The following LHX1 variants were observed in gnomAD, a reference collection of about 807,000 sequenced individuals.
LHX1 encodes LIM homeobox 1, also known as LIM/homeobox protein Lhx1.
In LHX1, 9 loss-of-function variants were observed where a neutral mutation model predicts 34.1. The ratio of observed to expected loss-of-function variants is 0.26; its 90% confidence interval spans 0.16 to 0.46. The LOEUF is 0.46. Among genes scored for constraint, LHX1 ranks in the 20% least tolerant of loss-of-function variants. The pLI, the probability that LHX1 is intolerant of heterozygous loss-of-function variation, is 1.00. For synonymous variants in LHX1, 254 were observed against 241.5 expected, an observed-to-expected ratio of 1.05 and a Z score of -0.48; for missense variants, 446 against 559.1, an observed-to-expected ratio of 0.80 and a Z score of 2.04.
chr17:36,940,970 A>G (rs1042106347), intron 3 of LHX1, 83 bp downstream of exon 3: 1 of 1,532,642 alleles, frequency 6.5e-7, no homozygotes. Flanking sequence ...AGAGCCCAGA[A>G]TCCAGAGAGA....
At chr17:36,942,650 G>A in intron 4 of LHX1, 102 bp from the exon 5 acceptor site, 1 of 1,268,820 alleles carries the variant, frequency 7.9e-7, no homozygotes, top group Non-Finnish European at 1.1e-6. Context: ...AGTTCCCCGC[G>A]CGGCCTTCCT....
At chr17:36,941,584 G>A (rs1224651427) in intron 3 of LHX1, 1 of 241,412 alleles carries the variant, frequency 4.1e-6, no homozygotes, top group Non-Finnish European at 8.3e-6. Flanking sequence ...TGCCTGGGAG[G>A]CTGGCTGTGC....
chr17:36,938,679 C>A (rs914467274), intron 1 of LHX1: 1 of 505,014 alleles, frequency 2.0e-6, no homozygotes, highest in African/African-American at 1.9e-5. Flanking sequence ...CGTTGTAGCC[C>A]GGACTGCTGT....
In LHX1 at chr17:36,942,942, C is replaced by A. The variant is rs1391273836; in HGVS notation, c.1032C>A (p.Thr344=). ...HHPSSEAQRF[T]DILAHPPGDS... ...CGTCGAGCGAGGCGCAGCGGTTTAC[C>A]GACATCCTGGCGCACCCACCCGGGG... The change falls in exon 5 of 5, where the codon ACC becomes ACA. Residue 344 remains threonine (T), a synonymous_variant. Coordinates refer to ENST00000614239, the MANE Select transcript of LHX1 (RefSeq NM_005568.5). 6.2e-7 allele frequency: 1 copy of A among 1,608,292 alleles called. No individual in the cohort carries two copies. Among genetic ancestry groups the A allele is most frequent in the Non-Finnish European group, 8.5e-7 (1 of 1,177,970 alleles).
At chr17:36,942,450 G>C in intron 4 of LHX1, 85 bp downstream of exon 4, 1 of 1,405,808 alleles carries the variant, frequency 7.1e-7, no homozygotes, top group South Asian at 1.3e-5. Context: ...GGCACGCCTC[G>C]CTCTCTGTAA....
In LHX1 at chr17:36,942,854, C is replaced by A; in HGVS notation, c.944C>A (p.Pro315Gln). The change falls in exon 5 of 5, where the codon CCG becomes CAG. Residue 315 changes from proline (P) to glutamine (Q), a missense_variant. Physicochemically the swap from Pro to Gln is moderately conservative, Grantham distance 76. This residue lies in a region of LHX1 where 235 missense variants were observed against 224.4 expected (regional missense o/e 1.05). Transcript: ENST00000614239. ...AQTPVDLPFV[P>Q]SSGPSGTPLG... ...ACACCAGTGGACCTACCCTTCGTGCCGTCATCTGGGCCGTCCGGGACGCCC... is the reference window on the plus strand; with the variant it reads ...ACACCAGTGGACCTACCCTTCGTGCAGTCATCTGGGCCGTCCGGGACGCCC... The A allele has an allele frequency of 6.3e-7, 1 of 1,589,188 alleles. No homozygotes were observed. Among genetic ancestry groups the A allele is most frequent in the Non-Finnish European group, 8.6e-7 (1 of 1,165,410 alleles).
intron 1 of LHX1, 32 bp from the exon 2 acceptor site, chr17:36,940,258 C>CCCGGGG: frequency 7.6e-6 from 4 of 528,908 alleles, no homozygotes; most frequent in Middle Eastern, 5.1e-4. Context: ...GACCCATCCC[C>CCCGGGG]GCCCCCGCCC....
chr17:36,941,159 G>A, intron 3 of LHX1: 3 of 701,280 alleles, frequency 4.3e-6, no homozygotes, highest in Non-Finnish European at 7.8e-6. Flanking sequence ...GAGAACTGTT[G>A]AACACTCTGG....
In LHX1 at chr17:36,940,067, T is replaced by C. The variant is rs937379476; in HGVS notation, c.171-223T>C. ...GTGTATCCCCTCCCTAACTCTTCCC[T>C]GGTGCCGCGCTCTCTCTCCTGCTGC... On this transcript the variant is annotated intron_variant, in intron 1 of 4. Transcript: ENST00000614239. The C allele has an allele frequency of 5.1e-5, 31 of 603,200 alleles. No homozygotes were observed. The African/African-American group carries it at 5.8e-4, about 11-fold the overall frequency. 37.4% of individuals were successfully genotyped at this position (603,200 alleles called of 1,614,324 possible). A position where few individuals can be genotyped will look rare whatever the true frequency, so the allele number is the denominator to read the frequency against.
chr17:36,942,086 C>G (rs982269038), intron 3 of LHX1, 114 bp from the exon 4 acceptor site: 1 of 748,138 alleles, frequency 1.3e-6, no homozygotes, highest in Non-Finnish European at 2.0e-6. Context: ...CACACACAAG[C>G]GCGCGCGCGC....
Position 36,940,701 on chromosome 17 carries a change from C to A in LHX1, c.489C>A (p.Asp163Glu). 2 of 1,613,786 alleles carry A rather than the reference C, an allele frequency of 1.2e-6. No homozygotes were observed. Among genetic ancestry groups the A allele is most frequent in the Non-Finnish European group, 1.7e-6 (2 of 1,180,048 alleles). ...ACTCGGAGAGCGCCAACGTGTCGGA[C>A]AAGGAAGCGGGTAGCAACGAGAATG... ...AKDSESANVS[D>E]KEAGSNENDD... is the part of the protein sequence containing the mutation. The change falls in exon 3 of 5, where the codon GAC becomes GAA. Residue 163 changes from aspartate (D) to glutamate (E), a missense_variant. By Grantham distance (45) the Asp-to-Glu change is conservative. This residue lies in a region of LHX1 where 168 missense variants were observed against 226.6 expected (regional missense o/e 0.74). Transcript: ENST00000614239.
At chr17:36,940,195 C>T in intron 1 of LHX1, 95 bp from the exon 2 acceptor site, 1 of 731,494 alleles carries the variant, frequency 1.4e-6, no homozygotes, top group South Asian at 1.6e-5. Context: ...TTTACATCTT[C>T]CCTCTTTCTC....
upstream of LHX1, chr17:36,937,461 A>C: frequency 3.1e-6 from 1 of 322,258 alleles, no homozygotes; most frequent in South Asian, 2.2e-5. Flanking sequence ...CCTAAGCAAC[A>C]ACAGCAATCA....
chr17:36,939,921 C>T (rs1597688596), intron 1 of LHX1: 3 of 409,396 alleles, frequency 7.3e-6, no homozygotes, highest in African/African-American at 2.0e-5. Flanking sequence ...GTGCCCCGTT[C>T]CCCCCGCCCA....
intron 1 of LHX1, 169 bp downstream of exon 1, chr17:36,938,536 C>T (rs2070744373): frequency 2.8e-6 from 2 of 717,310 alleles, no homozygotes; most frequent in Non-Finnish European, 5.0e-6. Context: ...CGCTGGGAGC[C>T]CGGGACGCGG....
chr17:36,943,333 G>C lies in LHX1; in HGVS notation c.*202G>C, dbSNP rs940982311. ...CGGCCTCGAGGTGGGACTGGGATCC[G>C]CGCACTGGCTGTCGACGTGCAGAAC... is the stretch of plus-strand genomic sequence containing the variant. On this transcript the variant is annotated 3_prime_UTR_variant, in exon 5 of 5. Coordinates refer to ENST00000614239, the MANE Select transcript of LHX1 (RefSeq NM_005568.5). 3.3e-6 allele frequency: 2 copies of C among 600,624 alleles called. No individual in the cohort carries two copies. The highest frequency in any genetic ancestry group is 6.6e-5 in the Admixed American group (2 of 30,110). 37.2% of individuals were successfully genotyped at this position (600,624 alleles called of 1,614,324 possible).
rs1597690443 is a variant in LHX1, at chr17:36,942,886, G to A, written c.976G>A (p.Gly326Ser). The A allele has an allele frequency of 6.3e-7, 1 of 1,595,318 alleles. No homozygotes were observed. Among genetic ancestry groups the A allele is most frequent in the East Asian group, 2.3e-5 (1 of 44,052 alleles). The change falls in exon 5 of 5, where the codon GGC (glycine) becomes AGC (serine). Residue 326 changes from glycine to serine, a missense_variant. By Grantham distance (56) the Gly-to-Ser change is moderately conservative. Transcript: ENST00000614239. ...TGGGCCGTCCGGGACGCCCCTGGGT[G>A]GCCTGGAGCACCCGCTGCCGGGCCA... ...SSGPSGTPLG[G>S]LEHPLPGHHP...
chr17:36,940,686 C>G lies in LHX1; in HGVS notation c.474C>G (p.Ser158Arg), dbSNP rs1401825367. ...PSQDDAKDSESANVSDKEAGS... is the reference protein window; with the variant it reads ...PSQDDAKDSERANVSDKEAGS... ...AGGACGACGCCAAGGACTCGGAGAG[C>G]GCCAACGTGTCGGACAAGGAAGCGG... is the stretch of plus-strand genomic sequence containing the variant. Residue 158 changes from serine (S) to arginine (R), a missense_variant, in exon 3 of 5, where the codon AGC becomes AGG. Ser to Arg is a moderately radical substitution (Grantham distance 110). Transcript: ENST00000614239. The G allele has an allele frequency of 1.9e-6, 3 of 1,613,792 alleles. No individual in the cohort carries two copies. Among genetic ancestry groups the G allele is most frequent in the East Asian group, 2.2e-5 (1 of 44,870 alleles).
Position 36,943,195 on chromosome 17 carries a change from T to TAAAA in LHX1, c.*65_*66insAAAA. 5.3e-6 allele frequency: 6 copies of TAAAA among 1,139,944 alleles called. No homozygotes were observed. The highest frequency in any genetic ancestry group is 8.8e-5 in the Admixed American group (2 of 22,766). The allele number at this position is 1,139,944 out of a possible 1,614,324, so 70.6% of individuals were successfully genotyped here. ...GAAATGAACCTTTATTTAAGAAAAA[T>TAAAA]AGAAAAAAAAAAACATAAAAAGCAA... On this transcript the variant is annotated 3_prime_UTR_variant, in exon 5 of 5. Transcript: ENST00000614239.
Sources: allele counts gnomAD v4.1 joint callset, GRCh38; gene constraint gnomAD v4.1.1; regional missense constraint gnomAD v4.1.1; transcripts MANE v1.5; gene names NCBI Gene and HGNC (gene_info 2026-07-23, HGNC 2026-07-21).